Variants in ZNF644 observed in about 807,000 individuals in gnomAD.
The protein encoded by ZNF644 is zinc finger protein 644, also known as zinc finger motif enhancer binding protein 2.
A neutral mutation model predicts 108.0 loss-of-function variants in ZNF644; 20 were observed. The ratio of observed to expected loss-of-function variants is 0.19; its 90% CI spans 0.13 to 0.27. The LOEUF is 0.27. ZNF644 is among the 10% of genes least tolerant of loss of function. The pLI is 1.00. For synonymous variants in ZNF644, 542 were observed against 539.1 expected, an observed-to-expected ratio of 1.01 and a Z score of -0.08; for missense variants, 1,338 against 1,548.9, an observed-to-expected ratio of 0.86 and a Z score of 2.29.
intron 1 of ZNF644, among the ~76,000 whole-genome samples, chr1:91,003,904 T>A (rs1310336756): frequency 1.3e-5 from 2 of 151,386 alleles, no homozygotes; most frequent in Non-Finnish European, 2.9e-5. Context: ...AGATAAAAAA[T>A]TATGAGAAAA....
chr1:91,007,219 C>CGTTTT (rs1557658445), intron 1 of ZNF644, among the ~76,000 whole-genome samples: 3 of 114,248 alleles, frequency 2.6e-5, no homozygotes, highest in Non-Finnish European at 5.5e-5. Context: ...CATTTTCTCC[C>CGTTTT]ATTTTGTTTT....
intron 1 of ZNF644, among the ~76,000 whole-genome samples, chr1:90,991,968 T>C (rs562842486): frequency 6.6e-6 from 1 of 151,966 alleles, no homozygotes; most frequent in African/African-American, 2.4e-5. Flanking sequence ...CAACAGAATA[T>C]GTAGGACTGA....
At chr1:90,960,444 G>A (rs1036696755) in intron 2 of ZNF644, among the ~76,000 whole-genome samples, 5 of 152,046 alleles carry the variant, frequency 3.3e-5, no homozygotes, top group Admixed American at 6.6e-5. Context: ...GGTTTGGTAC[G>A]ACCTGCAGTT....
chr1:91,000,701 G>A (rs555903970), intron 1 of ZNF644, among the ~76,000 whole-genome samples: 37 of 152,218 alleles, frequency 2.4e-4, no homozygotes, highest in South Asian at 1.0e-3. Context: ...AACTGAAGGA[G>A]ATAGAGACAC....
intron 4 of ZNF644, among the ~76,000 whole-genome samples, chr1:90,931,602 G>T (rs1570358290): frequency 6.6e-6 from 1 of 152,204 alleles, no homozygotes; most frequent in Non-Finnish European, 1.5e-5. Flanking sequence ...CCCAACAGAA[G>T]ATAAACTGGG....
At chr1:90,950,304 G>GGGGAGGGGAGGGCA (rs1652976478) in intron 2 of ZNF644, among the ~76,000 whole-genome samples, 1 of 62,328 alleles carries the variant, frequency 1.6e-5, no homozygotes, top group Non-Finnish European at 3.5e-5. Flanking sequence ...GGGGAGGGGA[G>GGGGAGGGGAGGGCA]GGGACAAAAG....
chr1:90,981,078 AG>A (rs1656501325), intron 2 of ZNF644, among the ~76,000 whole-genome samples: 1 of 152,182 alleles, frequency 6.6e-6, no homozygotes, highest in Non-Finnish European at 1.5e-5. Context: ...TCAGAACAAA[AG>A]TTTTAACAGA....
chr1:90,960,920 A>C (rs937487834), intron 2 of ZNF644, among the ~76,000 whole-genome samples: 15 of 152,284 alleles, frequency 9.9e-5, no homozygotes, highest in Non-Finnish European at 7.4e-5. Context: ...TCAGAATCCT[A>C]AACAAGAATC....
chr1:90,978,387 A>T (rs1656218747), intron 2 of ZNF644, among the ~76,000 whole-genome samples: 1 of 151,974 alleles, frequency 6.6e-6, no homozygotes, highest in South Asian at 2.1e-4. Context: ...CTAAATACTA[A>T]CTGTTACTTG....
At chr1:91,021,745 C>T (rs1400445882) in intron 1 of ZNF644, 4 of 276,684 alleles carry the variant, frequency 1.4e-5, no homozygotes, top group Middle Eastern at 9.5e-4. Context: ...GAACCCGGGG[C>T]CCGGGCTCCT....
chr1:90,954,431 G>C (rs1653529841), intron 2 of ZNF644, among the ~76,000 whole-genome samples: 1 of 151,014 alleles, frequency 6.6e-6, no homozygotes, highest in South Asian at 2.1e-4. Flanking sequence ...TTTTGAGACA[G>C]AGTCTCACTC....
At chr1:91,017,297 T>C (rs1660512962) in intron 1 of ZNF644, among the ~76,000 whole-genome samples, 1 of 152,188 alleles carries the variant, frequency 6.6e-6, no homozygotes, top group Non-Finnish European at 1.5e-5. Context: ...TTATCTTTAT[T>C]TTTACTTACA....
At chr1:90,926,887 C>T (rs1650096876) in intron 4 of ZNF644, among the ~76,000 whole-genome samples, 1 of 152,162 alleles carries the variant, frequency 6.6e-6, no homozygotes. Flanking sequence ...AAAAGCATTA[C>T]ACAAATTCTG....
intron 2 of ZNF644, among the ~76,000 whole-genome samples, chr1:90,956,416 T>C (rs934522639): frequency 1.3e-5 from 2 of 152,172 alleles, no homozygotes; most frequent in African/African-American, 4.8e-5. Context: ...AAACAGGGTA[T>C]GCCAGTGTAA....
At chr1:90,968,250 G>A (rs1365374953) in intron 2 of ZNF644, among the ~76,000 whole-genome samples, 1 of 151,918 alleles carries the variant, frequency 6.6e-6, no homozygotes, top group South Asian at 2.1e-4. Flanking sequence ...AATTTCCTAG[G>A]TATGTAAATG....
intron 4 of ZNF644, among the ~76,000 whole-genome samples, chr1:90,921,739 CAA>C (rs1174769263): frequency 2.4e-5 from 3 of 126,860 alleles, no homozygotes; most frequent in African/African-American, 2.9e-5. Flanking sequence ...AGGTCAAATG[CAA>C]AAAAAAAAAA....
chr1:90,965,478 T>C (rs1023335910), intron 2 of ZNF644, among the ~76,000 whole-genome samples: 2 of 152,164 alleles, frequency 1.3e-5, no homozygotes, highest in East Asian at 3.8e-4. Context: ...CAAGTGAGGT[T>C]ATAGTCTGAA....
intron 1 of ZNF644, among the ~76,000 whole-genome samples, chr1:90,985,187 C>A (rs1168655933): frequency 2.0e-5 from 3 of 152,098 alleles, no homozygotes; most frequent in Admixed American, 6.6e-5. Flanking sequence ...TCTTAATTGA[C>A]AAATACTAGT....
chr1:91,013,993 T>C (rs1468951817), intron 1 of ZNF644, among the ~76,000 whole-genome samples: 3 of 152,212 alleles, frequency 2.0e-5, no homozygotes, highest in African/African-American at 4.8e-5. Context: ...TATATTTCTA[T>C]TGGGCAGTGC....
Sources: allele counts gnomAD v4.1 joint callset (sites outside exome capture counted in the v4.1 genomes callset), GRCh38; gene constraint gnomAD v4.1.1; transcripts MANE v1.5; gene names NCBI Gene and HGNC (gene_info 2026-07-23, HGNC 2026-07-21).